Variants in PPARGC1A observed in about 807,000 individuals in gnomAD.
PPARGC1A encodes peroxisome proliferator-activated receptor gamma coactivator 1-alpha.
In PPARGC1A, 25 loss-of-function variants were observed where a neutral mutation model predicts 88.7. The ratio of observed to expected loss-of-function variants is 0.28; its 90% CI spans 0.21 to 0.39. PPARGC1A has a LOEUF of 0.39. PPARGC1A is among the 10% of genes least tolerant of loss of function. PPARGC1A has a pLI of 1.00. For missense variants in PPARGC1A, 880 were observed against 968.7 expected, an observed-to-expected ratio of 0.91 and a Z score of 1.22; for synonymous variants, 363 against 355.6, an observed-to-expected ratio of 1.02 and a Z score of -0.24.
At chr4:24,029,629 GA>G in the PPARGC1A span, among the ~76,000 whole-genome samples, 8 of 152,272 alleles carry the variant, frequency 5.3e-5, no homozygotes, top group Admixed American at 3.9e-4. Flanking sequence ...CAACAGACTT[GA>G]TTCCCCTTCT....
the PPARGC1A span, among the ~76,000 whole-genome samples, chr4:24,311,161 G>A: frequency 4.2e-5 from 5 of 118,318 alleles, no homozygotes; most frequent in East Asian, 2.6e-4. Context: ...GTGCAGTGGC[G>A]AGATCTCGGC....
chr4:24,223,308 G>A, the PPARGC1A span, among the ~76,000 whole-genome samples: 9 of 143,322 alleles, frequency 6.3e-5, no homozygotes, highest in African/African-American at 2.3e-4. Context: ...GGAGTGCAGT[G>A]GCACGATCTC....
At chr4:24,027,217 GTC>G in the PPARGC1A span, among the ~76,000 whole-genome samples, 11,173 of 148,166 alleles carry the variant, frequency 0.075, 1,065 homozygotes, top group African/African-American at 0.22. Context: ...GTGTGTGTGT[GTC>G]TGTGTGTCTG....
At chr4:24,355,020 G>A in the PPARGC1A span, among the ~76,000 whole-genome samples, 2 of 152,156 alleles carry the variant, frequency 1.3e-5, no homozygotes, top group Admixed American at 6.5e-5. Flanking sequence ...GTGATCTGCC[G>A]CTAGCCAAGA....
the PPARGC1A span, among the ~76,000 whole-genome samples, chr4:24,269,998 G>C: frequency 1.3e-4 from 20 of 152,240 alleles, no homozygotes; most frequent in East Asian, 3.9e-3. Flanking sequence ...ATATTATTCT[G>C]GGTGTATTTA....
At chr4:24,256,653 T>A in the PPARGC1A span, among the ~76,000 whole-genome samples, 1 of 152,218 alleles carries the variant, frequency 6.6e-6, no homozygotes, top group African/African-American at 2.4e-5. Flanking sequence ...TACTGCTGTG[T>A]CTACAGGAGG....
chr4:23,975,494 T>G, the PPARGC1A span, among the ~76,000 whole-genome samples: 1 of 152,102 alleles, frequency 6.6e-6, no homozygotes, highest in African/African-American at 2.4e-5. Context: ...CTCCATTCAC[T>G]GCAACCTCCG....
the PPARGC1A span, among the ~76,000 whole-genome samples, chr4:24,156,352 C>A: frequency 1.3e-5 from 2 of 152,066 alleles, no homozygotes; most frequent in African/African-American, 4.8e-5. Context: ...CTCCCCCACC[C>A]TCCCCACTTG....
the PPARGC1A span, among the ~76,000 whole-genome samples, chr4:24,156,960 A>C: frequency 1.3e-5 from 2 of 152,132 alleles, no homozygotes; most frequent in South Asian, 4.1e-4. Context: ...AAGCTAATCC[A>C]CAGTTCCCAT....
chr4:24,155,612 A>C, the PPARGC1A span, among the ~76,000 whole-genome samples: 1 of 151,230 alleles, frequency 6.6e-6, no homozygotes, highest in Non-Finnish European at 1.5e-5. Flanking sequence ...AAAAAAAAAA[A>C]TACAAGAGGA....
At chr4:24,146,237 T>C in the PPARGC1A span, among the ~76,000 whole-genome samples, 2 of 152,206 alleles carry the variant, frequency 1.3e-5, no homozygotes, top group African/African-American at 2.4e-5. Flanking sequence ...TAATGGCTGT[T>C]GAATTGGAGA....
chr4:24,342,091 C>G, the PPARGC1A span, among the ~76,000 whole-genome samples: 3 of 152,156 alleles, frequency 2.0e-5, no homozygotes, highest in Non-Finnish European at 4.4e-5. Flanking sequence ...ACACGTTTAT[C>G]TTTATTGTAA....
At chr4:23,949,282 T>G in the PPARGC1A span, among the ~76,000 whole-genome samples, 1 of 152,150 alleles carries the variant, frequency 6.6e-6, no homozygotes, top group African/African-American at 2.4e-5. Context: ...TGGAGTAACA[T>G]GCACAAAAGA....
At chr4:24,253,468 A>G in the PPARGC1A span, among the ~76,000 whole-genome samples, 2 of 152,238 alleles carry the variant, frequency 1.3e-5, no homozygotes, top group African/African-American at 4.8e-5. Flanking sequence ...GCTATTGATG[A>G]TCATAAGTAA....
the PPARGC1A span, among the ~76,000 whole-genome samples, chr4:24,448,580 C>T: frequency 2.4e-4 from 37 of 152,328 alleles, no homozygotes; most frequent in African/African-American, 8.9e-4. Flanking sequence ...TATGGAGGGA[C>T]CTGGGGTCTT....
chr4:24,138,598 A>C, the PPARGC1A span, among the ~76,000 whole-genome samples: 2 of 152,158 alleles, frequency 1.3e-5, no homozygotes, highest in Admixed American at 6.5e-5. Flanking sequence ...CATGAAATGC[A>C]CTTTCTTTTG....
chr4:23,946,439 A>T, the PPARGC1A span, among the ~76,000 whole-genome samples: 1 of 152,132 alleles, frequency 6.6e-6, no homozygotes, highest in Admixed American at 6.5e-5. Flanking sequence ...AAAGAGCCGT[A>T]CGCAGATTCA....
chr4:24,263,187 C>T, the PPARGC1A span, among the ~76,000 whole-genome samples: 7 of 152,154 alleles, frequency 4.6e-5, no homozygotes, highest in African/African-American at 1.4e-4. Context: ...GACGTAAGAC[C>T]TTTCCCCCAA....
chr4:24,342,486 C>A, the PPARGC1A span, among the ~76,000 whole-genome samples: 1 of 151,144 alleles, frequency 6.6e-6, no homozygotes, highest in Non-Finnish European at 1.5e-5. Context: ...TAACCAGCCT[C>A]CCACAACTAA....
Sources: gnomAD v4.1 joint callset for allele counts (sites outside exome capture counted in the v4.1 genomes callset) on GRCh38, gnomAD v4.1.1 for gene constraint, MANE v1.5 for transcripts, NCBI Gene and HGNC (gene_info 2026-07-23, HGNC 2026-07-21) for gene names.